TRPM5: variants seen among roughly 807,000 people sequenced by gnomAD.
TRPM5 encodes the protein transient receptor potential cation channel subfamily M member 5.
TRPM5 carries 121 observed loss-of-function variants against 124.9 expected under a neutral mutation model. The ratio of observed to expected loss-of-function variants is 0.97; its 90% CI spans 0.84 to 1.13. The LOEUF (loss-of-function observed/expected upper bound fraction) is 1.13. Among genes scored for constraint, TRPM5 ranks in the 50% most tolerant of loss-of-function variants. The pLI is 0.00. For synonymous variants in TRPM5, 781 were observed against 700.5 expected (o/e 1.11, Z -1.81); for missense variants, 1,643 against 1,589.1 (o/e 1.03, Z -0.58).
the TRPM5 span, among the ~76,000 whole-genome samples, chr11:2,442,281 T>C: frequency 1.3e-5 from 2 of 152,136 alleles, no homozygotes; most frequent in Non-Finnish European, 2.9e-5. The surrounding 1 kb of genome is among the most constrained non-coding windows in gnomAD (Gnocchi z 5.9). Flanking sequence ...GTCCATTCAA[T>C]TTAAGGACTG....
At chr11:2,405,578 C>G (rs1158771808) in exon 23 of TRPM5, 1 of 1,564,314 alleles carries the variant, frequency 6.4e-7, no homozygotes, top group Admixed American at 1.9e-5. Context: ...GACACGAGCA[C>G]CGAGCAGTAG....
rs529335815 is a variant in TRPM5 at position 2,413,990 on chromosome 11, C to T, written c.1890+71G>A. Reference sequence around the variant, plus strand: ...GGGCAGCTGCAGGCTGGGAAGTCAACTCAAGCTGGGCCCAGCTCGCCCGCC... The same window carrying T: ...GGGCAGCTGCAGGCTGGGAAGTCAATTCAAGCTGGGCCCAGCTCGCCCGCC... On this transcript the variant is annotated intron_variant, in intron 12 of 23. Transcript: ENST00000155858. 36 of 1,530,676 alleles carry T rather than the reference C, an allele frequency of 2.4e-5. 1 individual carries two copies. The East Asian group carries it at 8.1e-4, about 35-fold the overall frequency. The allele number at this position is 1,530,676 out of a possible 1,614,324, so 94.8% of individuals were successfully genotyped here.
intron 11 of TRPM5, 28 bp downstream of exon 16, chr11:2,414,687 G>A (rs975974997): frequency 1.7e-5 from 26 of 1,520,966 alleles, no homozygotes; most frequent in African/African-American, 4.1e-5. Context: ...CCCGCGCGCG[G>A]GCCCGGCCCC....
At chr11:2,411,799 G>A in intron 16 of TRPM5, 32 bp from the exon 22 acceptor site, 2 of 1,610,332 alleles carry the variant, frequency 1.2e-6, no homozygotes, top group Non-Finnish European at 1.7e-6. Context: ...CGGCTGCGGG[G>A]CCCAGAGAGG....
intron 7 of TRPM5, among the ~76,000 whole-genome samples, chr11:2,417,312 G>A (rs779119047): frequency 2.6e-5 from 4 of 152,110 alleles, no homozygotes; most frequent in African/African-American, 7.2e-5. Context: ...AAAATTAGCC[G>A]GGCATGGTGG....
At chr11:2,444,217 AGCGTATTCGCCGCCC>A in the TRPM5 span, among the ~76,000 whole-genome samples, 1 of 151,940 alleles carries the variant, frequency 6.6e-6, no homozygotes, top group African/African-American at 2.4e-5. Context: ...AAGCGACCCG[AGCGTATTCGCCGCCC>A]GCAGCTCGCG....
chr11:2,415,135 C>A (rs761940712), exon 9 of TRPM5: 3 of 1,569,620 alleles, frequency 1.9e-6, no homozygotes, highest in African/African-American at 1.4e-5. Flanking sequence ...CTCCTGCGGT[C>A]CCCTGGCCGG....
In TRPM5 at chr11:2,406,803, C is replaced by T; in HGVS notation, c.3119-10G>A. 2 of 1,607,696 alleles carry T rather than the reference C, an allele frequency of 1.2e-6. No homozygotes were observed. The highest frequency in any genetic ancestry group is 1.3e-5 in the African/African-American group (1 of 74,830). Reference sequence around the variant, plus strand: ...TCTGGCAGGTCTCTCTCTGGGAAAGCCAGGTGGCAGCCAGCATTACTAGAG... The same window carrying T: ...TCTGGCAGGTCTCTCTCTGGGAAAGTCAGGTGGCAGCCAGCATTACTAGAG... On this transcript the variant is annotated splice_polypyrimidine_tract_variant and intron_variant, in intron 20 of 23. Coordinates refer to ENST00000155858, the Ensembl canonical transcript of TRPM5.
chr11:2,438,168 C>T, the TRPM5 span, among the ~76,000 whole-genome samples: 4 of 152,204 alleles, frequency 2.6e-5, no homozygotes, highest in African/African-American at 9.6e-5. This position sits in a 1 kb window ranked among gnomAD's most constrained non-coding sequence, Gnocchi z 5.9. Context: ...ACAAACTAGC[C>T]ATCAAAGGAA....
At chr11:2,427,581 A>G (rs891529112), upstream of TRPM5, among the ~76,000 whole-genome samples, 4 of 152,184 alleles carry the variant, frequency 2.6e-5, no homozygotes, top group African/African-American at 7.2e-5. Context: ...CCAGACACCA[A>G]GGGCTGGCCG....
At chr11:2,405,387 A>G in intron 23 of TRPM5, 140 bp downstream of exon 28, 1 of 852,994 alleles carries the variant, frequency 1.2e-6, no homozygotes, top group Non-Finnish European at 1.8e-6. Context: ...CACCCTGAAG[A>G]GCCGCGTCCA....
the TRPM5 span, among the ~76,000 whole-genome samples, chr11:2,439,492 T>C: frequency 2.6e-5 from 4 of 151,950 alleles, no homozygotes; most frequent in African/African-American, 9.7e-5. Context: ...AAAAAATAAA[T>C]AACCCCGTAA....
chr11:2,423,189 A>T, upstream of TRPM5: 1 of 641,652 alleles, frequency 1.6e-6, no homozygotes, highest in Non-Finnish European at 2.7e-6. Flanking sequence ...GCCCCCAGGC[A>T]TCTCTGCCCC....
Position 2,414,352 on chromosome 11 carries a change from C to A in TRPM5, c.1745-146G>T, listed in dbSNP as rs935729558. On this transcript the variant is annotated intron_variant, in intron 11 of 23. Coordinates refer to ENST00000155858, the Ensembl canonical transcript of TRPM5. ...AGGGCCCAGCCAGGCCTTCTGCCCC[C>A]TCCGGCCTGCTCCGGGCCCTTCCTG... is the stretch of plus-strand genomic sequence containing the variant. 5 of 1,166,758 alleles carry A rather than the reference C, an allele frequency of 4.3e-6. No individual in the cohort carries two copies. The East Asian group carries it at 1.3e-4, about 30-fold the overall frequency. The allele number at this position is 1,166,758 out of a possible 1,614,324, so 72.3% of individuals were successfully genotyped here. A position where few individuals can be genotyped will look rare whatever the true frequency, so the allele number is the denominator to read the frequency against.
Position 2,414,842 on chromosome 11 carries a change from C to G in TRPM5, c.1621-4G>C, listed in dbSNP as rs112219057. 7.5e-6 allele frequency: 12 copies of G among 1,591,518 alleles called. No individual in the cohort carries two copies. In the East Asian group the frequency reaches 1.8e-4, roughly 24 times the overall value. On this transcript the variant is annotated splice_polypyrimidine_tract_variant and splice_region_variant and intron_variant, in intron 10 of 23. Coordinates refer to ENST00000155858, the Ensembl canonical transcript of TRPM5. ...CGGCTGCCACACCTTCCTGGCCCTA[C>G]GAGACCTGGTCTCAGGAGGCCGCCC...
the TRPM5 span, among the ~76,000 whole-genome samples, chr11:2,430,083 A>C: frequency 0.31 from 47,411 of 151,696 alleles, 9,030 homozygotes; most frequent in African/African-American, 0.52. Flanking sequence ...TCCCCAGCCA[A>C]CTCTGGTTCA....
rs1441344021 is a variant in TRPM5 at position 2,414,033 on chromosome 11, G to A, written c.1890+28C>T. 6.6e-6 allele frequency: 3 copies of A among 455,848 alleles called. No homozygotes were observed. The African/African-American group carries it at 7.0e-5, about 11-fold the overall frequency. 28.2% of individuals were successfully genotyped at this position (455,848 alleles called of 1,614,324 possible). A position where few individuals can be genotyped will look rare whatever the true frequency, so the allele number is the denominator to read the frequency against. The stretch of plus-strand genomic sequence containing the variant: ...CGCCCGCCCACCCCACCCCCTGGCA[G>A]CTCTCCTCGAGGACAGCTGGCACTC... On this transcript the variant is annotated intron_variant, in intron 12 of 23. Transcript: ENST00000155858.
At chr11:2,425,455 G>A (rs1338234572), upstream of TRPM5, among the ~76,000 whole-genome samples, 1 of 152,190 alleles carries the variant, frequency 6.6e-6, no homozygotes, top group Non-Finnish European at 1.5e-5. Context: ...CCCTACCCCA[G>A]CGTGGCTTCA....
In TRPM5 at chr11:2,416,793, A is replaced by AC. The variant is rs140387397; in HGVS notation, c.1010-770dup. On this transcript the variant is annotated intron_variant, in intron 7 of 23. Transcript: ENST00000155858. ...GCCTGCCAGCGTCCAGCCCTTCAGC[A>AC]CGCGTTCGTCTCCAGCAAAAAGCAC... 2.8e-3 allele frequency among the ~76,000 whole-genome samples: 430 copies of AC among 152,310 alleles called. 3 individuals carry two copies. The highest frequency in any genetic ancestry group is 9.8e-3 in the African/African-American group (407 of 41,566).
Sources: gnomAD v4.1 joint callset for allele counts (sites outside exome capture counted in the v4.1 genomes callset) on GRCh38, gnomAD v4.1.1 for gene constraint, Gnocchi (gnomAD v3.1) non-coding constraint, MANE v1.5 for transcripts, NCBI Gene and HGNC (gene_info 2026-07-23, HGNC 2026-07-21) for gene names.